Variants in CHRM3 observed in about 807,000 individuals in gnomAD.
The protein encoded by CHRM3 is muscarinic acetylcholine receptor M3.
CHRM3 carries 11 observed loss-of-function variants against 41.8 expected under a neutral mutation model. The ratio of observed to expected loss-of-function variants is 0.26; its 90% confidence interval spans 0.17 to 0.44. The LOEUF is 0.44. CHRM3 is among the 20% of genes least tolerant of loss of function. The pLI is 1.00. For missense variants in CHRM3, 571 were observed against 745.4 expected (o/e 0.77, Z 2.72); for synonymous variants, 297 against 301.4 (o/e 0.99, Z 0.15).
chr1:239,753,449 C>T (rs183750411), intron 5 of CHRM3, among the ~76,000 whole-genome samples: 4 of 152,074 alleles, frequency 2.6e-5, no homozygotes, highest in South Asian at 2.1e-4. Context: ...AAGGGGAAGC[C>T]GGTATGTATT....
intron 5 of CHRM3, among the ~76,000 whole-genome samples, chr1:239,723,865 G>T (rs982781216): frequency 1.3e-5 from 2 of 151,828 alleles, no homozygotes; most frequent in East Asian, 3.9e-4. Context: ...GTAGAAGTTT[G>T]CATCCTGTCT....
chr1:239,501,441 G>T (rs1019533382), intron 2 of CHRM3, among the ~76,000 whole-genome samples: 12 of 152,142 alleles, frequency 7.9e-5, no homozygotes, highest in African/African-American at 2.9e-4. Context: ...TCAGACCACA[G>T]TGGAATAAAA....
intron 5 of CHRM3, among the ~76,000 whole-genome samples, chr1:239,798,924 G>A (rs1254200968): frequency 6.6e-6 from 1 of 152,192 alleles, no homozygotes; most frequent in Non-Finnish European, 1.5e-5. Flanking sequence ...TATTTTGGAG[G>A]CATTTGCAGC....
intron 4 of CHRM3, among the ~76,000 whole-genome samples, chr1:239,673,699 A>G (rs1657646512): frequency 6.6e-6 from 1 of 152,068 alleles, no homozygotes. Flanking sequence ...TAACATATAT[A>G]TAGTATCTAT....
At chr1:239,708,643 C>T (rs1027405134) in intron 5 of CHRM3, among the ~76,000 whole-genome samples, 1 of 151,788 alleles carries the variant, frequency 6.6e-6, no homozygotes, top group African/African-American at 2.4e-5. Flanking sequence ...TGGGCTTAAC[C>T]ACCTAAAAAT....
At chr1:239,524,471 T>C (rs1669859229) in intron 2 of CHRM3, among the ~76,000 whole-genome samples, 1 of 152,144 alleles carries the variant, frequency 6.6e-6, no homozygotes, top group Non-Finnish European at 1.5e-5. Context: ...CAATTATTTG[T>C]CGCCATGACC....
chr1:239,481,966 A>G (rs924129996), intron 1 of CHRM3, among the ~76,000 whole-genome samples: 4 of 152,240 alleles, frequency 2.6e-5, no homozygotes, highest in Non-Finnish European at 4.4e-5. Context: ...TAGCTTTAGG[A>G]AGATTAATCC....
intron 3 of CHRM3, among the ~76,000 whole-genome samples, chr1:239,597,509 G>A (rs1216771476): frequency 6.6e-6 from 1 of 152,094 alleles, no homozygotes; most frequent in Non-Finnish European, 1.5e-5. Flanking sequence ...GATGACTGCA[G>A]TTAGCTTTCT....
intron 5 of CHRM3, among the ~76,000 whole-genome samples, chr1:239,722,462 C>A (rs995611281): frequency 1.3e-5 from 2 of 151,870 alleles, no homozygotes; most frequent in Non-Finnish European, 2.9e-5. Context: ...AGTAAAAGGA[C>A]ACAAATAACA....
chr1:239,589,555 A>C (rs1663845061), intron 3 of CHRM3, among the ~76,000 whole-genome samples: 1 of 147,676 alleles, frequency 6.8e-6, no homozygotes, highest in Admixed American at 6.8e-5. Context: ...TCCATGCATT[A>C]ATATGTGAAA....
intron 6 of CHRM3, among the ~76,000 whole-genome samples, chr1:239,873,415 C>T (rs1238913670): frequency 1.3e-5 from 2 of 151,990 alleles, no homozygotes; most frequent in Non-Finnish European, 2.9e-5. Flanking sequence ...AGTTTTTATA[C>T]ACATGCCATG....
At chr1:239,872,770 G>T (rs980545780) in intron 6 of CHRM3, among the ~76,000 whole-genome samples, 1 of 152,138 alleles carries the variant, frequency 6.6e-6, no homozygotes, top group Admixed American at 6.5e-5. Context: ...TTATGGATAT[G>T]TTTTTTCAAG....
chr1:239,803,759 T>C (rs531855128), intron 5 of CHRM3, among the ~76,000 whole-genome samples: 12 of 152,184 alleles, frequency 7.9e-5, no homozygotes, highest in Non-Finnish European at 1.6e-4. Flanking sequence ...AGTCAAATGA[T>C]GCAGGCAAGC....
intron 6 of CHRM3, among the ~76,000 whole-genome samples, chr1:239,868,416 C>T (rs2149308055): frequency 6.6e-6 from 1 of 152,330 alleles, no homozygotes; most frequent in African/African-American, 2.4e-5. Context: ...CTCATTCCTT[C>T]TTTCTCCCTC....
intron 5 of CHRM3, among the ~76,000 whole-genome samples, chr1:239,724,267 T>G (rs1663237118): frequency 6.6e-6 from 1 of 151,888 alleles, no homozygotes; most frequent in Admixed American, 6.6e-5. Flanking sequence ...ATTCTCTGTA[T>G]TAGGTTGTTT....
At chr1:239,562,654 C>T (rs140090824) in intron 3 of CHRM3, among the ~76,000 whole-genome samples, 8 of 152,146 alleles carry the variant, frequency 5.3e-5, no homozygotes, top group African/African-American at 1.7e-4. Context: ...CTTTGGGAGG[C>T]TAAGGCAGGT....
intron 3 of CHRM3, among the ~76,000 whole-genome samples, chr1:239,612,628 G>A (rs73122670): frequency 0.014 from 2,111 of 152,282 alleles, 51 homozygotes; most frequent in East Asian, 0.11. Flanking sequence ...ACTCCAAGAA[G>A]CAGTGAATTG....
At chr1:239,636,104 G>A (rs529830202) in intron 4 of CHRM3, among the ~76,000 whole-genome samples, 1 of 152,268 alleles carries the variant, frequency 6.6e-6, no homozygotes, top group Non-Finnish European at 1.5e-5. Flanking sequence ...ATAATATTGG[G>A]CGACAGGGCT....
chr1:239,540,444 TAAAC>T (rs1251960372), intron 2 of CHRM3, among the ~76,000 whole-genome samples: 2 of 152,132 alleles, frequency 1.3e-5, no homozygotes, highest in Non-Finnish European at 2.9e-5. Flanking sequence ...AATAAATAGA[TAAAC>T]AAACAGCTCT....
Sources: gnomAD v4.1 joint callset for allele counts (sites outside exome capture counted in the v4.1 genomes callset) on GRCh38, gnomAD v4.1.1 for gene constraint, MANE v1.5 for transcripts, NCBI Gene and HGNC (gene_info 2026-07-23, HGNC 2026-07-21) for gene names.